RBM19: variants seen among roughly 807,000 people sequenced by gnomAD.
RBM19 encodes probable RNA-binding protein 19.
RBM19 carries 94 observed loss-of-function variants against 116.8 expected under a neutral mutation model. The observed-to-expected ratio is 0.80, with a 90% confidence interval of 0.68 to 0.95. The LOEUF (loss-of-function observed/expected upper bound fraction) is 0.95, where lower values mean the gene tolerates loss of function less well. RBM19 is among the 40% of genes least tolerant of loss of function. RBM19 has a pLI of 0.00. For missense variants in RBM19, 1,161 were observed against 1,220.7 expected, an observed-to-expected ratio of 0.95 and a Z score of 0.73; for synonymous variants, 475 against 494.1, an observed-to-expected ratio of 0.96 and a Z score of 0.51.
chr12:113,928,978 C>A (rs1391489684), intron 16 of RBM19, among the ~76,000 whole-genome samples: 1 of 151,556 alleles, frequency 6.6e-6, no homozygotes, highest in Admixed American at 6.6e-5. Flanking sequence ...GCCTTCACAC[C>A]CCTCACCCTC....
chr12:113,875,064 T>C (rs1879560038), intron 21 of RBM19, among the ~76,000 whole-genome samples: 1 of 152,224 alleles, frequency 6.6e-6, no homozygotes, highest in South Asian at 2.1e-4. Context: ...AAGACACCTC[T>C]GCAGAAGATG....
At chr12:113,931,922 C>T (rs781485846) in intron 16 of RBM19, among the ~76,000 whole-genome samples, 9 of 152,238 alleles carry the variant, frequency 5.9e-5, no homozygotes, top group Non-Finnish European at 7.3e-5. Context: ...GTTTGCTCCT[C>T]TATCTGTGCT....
intron 15 of RBM19, among the ~76,000 whole-genome samples, chr12:113,938,481 A>C (rs1403995610): frequency 7.4e-6 from 1 of 134,494 alleles, no homozygotes; most frequent in African/African-American, 3.1e-5. Context: ...ATGAATATCT[A>C]TCTCTAAGAA....
At chr12:113,906,960 C>A (rs187002779) in intron 21 of RBM19, among the ~76,000 whole-genome samples, 1 of 151,996 alleles carries the variant, frequency 6.6e-6, no homozygotes, top group Non-Finnish European at 1.5e-5. Context: ...GAGGCAGAGA[C>A]GGGACTGACA....
chr12:113,925,672 G>A (rs1162086257), intron 17 of RBM19, among the ~76,000 whole-genome samples: 1 of 152,178 alleles, frequency 6.6e-6, no homozygotes, highest in Admixed American at 6.5e-5. Context: ...CAGTGAACTG[G>A]CCTCTCTGAA....
rs891825285 is a variant in RBM19 at position 113,844,722 on chromosome 12, C to T, written c.2731G>A (p.Asp911Asn). 22 of 1,613,264 alleles carry T rather than the reference C, an allele frequency of 1.4e-5. No individual in the cohort carries two copies. The highest frequency in any genetic ancestry group is 5.0e-5 in the Admixed American group (3 of 59,972). ...YGRRLVLEWADSEVTLQALRR... is the reference protein window; with the variant it reads ...YGRRLVLEWANSEVTLQALRR... ...AGGGCCTGCAGGGTCACCTCGGAGT[C>T]GGCCCACTCCAGCACCAGCCTCCGC... Residue 911 changes from aspartate (D) to asparagine (N), a missense_variant, in exon 23 of 24, where the codon GAC (aspartate) becomes AAC (asparagine). Transcript: ENST00000261741.
chr12:113,856,395 G>A (rs1877905683), intron 22 of RBM19, among the ~76,000 whole-genome samples: 1 of 152,226 alleles, frequency 6.6e-6, no homozygotes, highest in East Asian at 1.9e-4. Context: ...AAGCTGAAGA[G>A]CAAAACTTAG....
chr12:113,916,670 C>A (rs548023037), intron 20 of RBM19, among the ~76,000 whole-genome samples: 228 of 152,302 alleles, frequency 1.5e-3, no homozygotes, highest in African/African-American at 5.1e-3. Context: ...CGCTGCCATG[C>A]CATGGGGACA....
intron 16 of RBM19, among the ~76,000 whole-genome samples, chr12:113,933,506 C>G (rs760355298): frequency 6.6e-6 from 1 of 151,322 alleles, no homozygotes; most frequent in African/African-American, 2.5e-5. Flanking sequence ...AGCACAGACA[C>G]GCACAACTTC....
intron 2 of RBM19, among the ~76,000 whole-genome samples, chr12:113,960,598 G>A (rs769060062): frequency 1.3e-5 from 2 of 152,164 alleles, no homozygotes; most frequent in African/African-American, 2.4e-5. Context: ...TGGAACTCAG[G>A]GGGTCTCTGG....
intron 23 of RBM19, among the ~76,000 whole-genome samples, chr12:113,829,047 G>A (rs1026061367): frequency 1.3e-5 from 2 of 151,706 alleles, no homozygotes; most frequent in African/African-American, 4.8e-5. Context: ...TCACCCAGGT[G>A]AGTGCAGTGG....
chr12:113,885,293 A>T (rs1479778069), intron 21 of RBM19, among the ~76,000 whole-genome samples: 3 of 152,242 alleles, frequency 2.0e-5, no homozygotes, highest in Non-Finnish European at 4.4e-5. Flanking sequence ...TAACCAATCC[A>T]ATCAGGACGA....
intron 15 of RBM19, among the ~76,000 whole-genome samples, chr12:113,938,840 G>T (rs1870299523): frequency 6.6e-6 from 1 of 152,208 alleles, no homozygotes; most frequent in Admixed American, 6.5e-5. Context: ...AAGAGACACA[G>T]ATCAGACTCC....
intron 21 of RBM19, among the ~76,000 whole-genome samples, chr12:113,893,408 G>A (rs1881090344): frequency 1.3e-5 from 2 of 152,168 alleles, no homozygotes; most frequent in Admixed American, 1.3e-4. Context: ...TGGGATTACA[G>A]GTGTGAGCCA....
chr12:113,918,980 T>C (rs1319811414), intron 19 of RBM19, among the ~76,000 whole-genome samples: 1 of 152,130 alleles, frequency 6.6e-6, no homozygotes, highest in Non-Finnish European at 1.5e-5. Context: ...TATTCACATA[T>C]GCATGCACAC....
At chr12:113,947,190 G>T in intron 11 of RBM19, 144 bp downstream of exon 11, 1 of 1,077,780 alleles carries the variant, frequency 9.3e-7, no homozygotes, top group Non-Finnish European at 1.3e-6. Flanking sequence ...CTTGAGTGAG[G>T]CAGTGACTTA....
chr12:113,916,357 A>C (rs1382927738), intron 20 of RBM19, among the ~76,000 whole-genome samples: 1 of 152,240 alleles, frequency 6.6e-6, no homozygotes, highest in Non-Finnish European at 1.5e-5. Flanking sequence ...CAGTGAGCTA[A>C]GATCACACCA....
At chr12:113,961,200 T>TA (rs904801403) in intron 2 of RBM19, among the ~76,000 whole-genome samples, 5 of 152,058 alleles carry the variant, frequency 3.3e-5, no homozygotes, top group African/African-American at 1.2e-4. Context: ...TTTTTTTTTT[T>TA]ATTTTTGTAA....
intron 21 of RBM19, among the ~76,000 whole-genome samples, chr12:113,905,415 C>T (rs116777391): frequency 6.8e-4 from 103 of 152,236 alleles, no homozygotes; most frequent in African/African-American, 2.5e-3. Context: ...AAAAATGCTC[C>T]TTGGTCTGCA....
Sources: allele counts gnomAD v4.1 joint callset (sites outside exome capture counted in the v4.1 genomes callset), GRCh38; gene constraint gnomAD v4.1.1; transcripts MANE v1.5; gene names NCBI Gene and HGNC (gene_info 2026-07-23, HGNC 2026-07-21).